Variants in ADGRV1 observed in about 807,000 individuals in gnomAD.
ADGRV1 encodes G-protein coupled receptor 98.
ADGRV1 carries 359 observed loss-of-function variants against 596.2 expected under a neutral mutation model. That is an observed-to-expected ratio of 0.60 (90% CI 0.55 to 0.66). The LOEUF (loss-of-function observed/expected upper bound fraction) is 0.66. ADGRV1 is among the 30% of genes least tolerant of loss of function. The pLI, the probability that ADGRV1 is intolerant of heterozygous loss-of-function variation, is 0.00. For missense variants in ADGRV1, 7,274 were observed against 7,575.6 expected (o/e 0.96, Z 1.48); for synonymous variants, 2,681 against 2,679.2 (o/e 1.00, Z -0.02).
intron 82 of ADGRV1, among the ~76,000 whole-genome samples, chr5:90,856,103 A>G (rs892180022): frequency 1.3e-5 from 2 of 152,178 alleles, no homozygotes; most frequent in African/African-American, 2.4e-5. Flanking sequence ...AGGATACAGT[A>G]AAGAATGAGA....
intron 87 of ADGRV1, among the ~76,000 whole-genome samples, chr5:91,113,595 C>A (rs1455938947): frequency 6.6e-6 from 1 of 152,076 alleles, no homozygotes; most frequent in Admixed American, 6.6e-5. Context: ...TGTATATATT[C>A]CTAATAAATC....
At chr5:90,928,281 G>T (rs1304362917) in intron 83 of ADGRV1, among the ~76,000 whole-genome samples, 2 of 152,128 alleles carry the variant, frequency 1.3e-5, no homozygotes, top group Non-Finnish European at 2.9e-5. Flanking sequence ...ATCAGACGTA[G>T]ATTTGGTCTT....
intron 82 of ADGRV1, among the ~76,000 whole-genome samples, chr5:90,859,029 G>C (rs1187217609): frequency 1.3e-5 from 2 of 152,208 alleles, no homozygotes; most frequent in Non-Finnish European, 1.5e-5. Flanking sequence ...AGAAGATCCA[G>C]ATAGAAATAC....
intron 59 of ADGRV1, among the ~76,000 whole-genome samples, chr5:90,773,061 C>T (rs373967473): frequency 4.0e-5 from 6 of 151,658 alleles, no homozygotes; most frequent in Admixed American, 6.6e-5. Flanking sequence ...CCTAGCTATT[C>T]GGGAGACTGA....
chr5:90,772,206 T>C (rs1446390984), intron 59 of ADGRV1, among the ~76,000 whole-genome samples: 1 of 152,182 alleles, frequency 6.6e-6, no homozygotes, highest in African/African-American at 2.4e-5. Flanking sequence ...CTAAGGTGTA[T>C]TTGCAACCTC....
chr5:91,118,277 G>A (rs1793022089), intron 87 of ADGRV1, among the ~76,000 whole-genome samples: 1 of 151,932 alleles, frequency 6.6e-6, no homozygotes, highest in Non-Finnish European at 1.5e-5. Flanking sequence ...GGGAAATACT[G>A]TTGAAAAGGC....
intron 87 of ADGRV1, among the ~76,000 whole-genome samples, chr5:91,116,329 T>C (rs574836051): frequency 1.3e-5 from 2 of 152,358 alleles, no homozygotes; most frequent in Admixed American, 6.5e-5. Flanking sequence ...AGTTTTGTGA[T>C]TGTAGGCAAA....
Position 90,683,990 on chromosome 5 carries a change from A to C in ADGRV1, c.6069A>C (p.Lys2023Asn). The stretch of plus-strand genomic sequence containing the variant: ...ATGCAACACTAGATGATATGGAAAA[A>C]CCACCTTATTTTCCACCTAATTTAG... ...VSYATLDDME[K>N]PPYFPPNLAR... The change falls in exon 28 of 90, where the codon AAA becomes AAC. Residue 2023 changes from lysine to asparagine, a missense_variant. Coordinates refer to ENST00000405460, the MANE Select transcript of ADGRV1 (RefSeq NM_032119.4). 1 of 1,613,840 alleles carries C rather than the reference A, an allele frequency of 6.2e-7. No individual in the cohort carries two copies. Among genetic ancestry groups the C allele is most frequent in the Non-Finnish European group, 8.5e-7 (1 of 1,179,856 alleles).
chr5:90,749,115 G>A (rs2149937149), intron 52 of ADGRV1, among the ~76,000 whole-genome samples: 2 of 152,288 alleles, frequency 1.3e-5, no homozygotes, highest in East Asian at 3.9e-4. Flanking sequence ...AACTGTTTGA[G>A]AATGGTAGAT....
intron 83 of ADGRV1, among the ~76,000 whole-genome samples, chr5:90,886,206 C>A (rs570390898): frequency 8.1e-4 from 123 of 152,192 alleles, no homozygotes; most frequent in Middle Eastern, 3.4e-3. Context: ...ACTAGTATTA[C>A]CTAATAGTCG....
intron 83 of ADGRV1, among the ~76,000 whole-genome samples, chr5:90,953,063 A>C (rs1407424938): frequency 2.0e-5 from 3 of 152,172 alleles, no homozygotes; most frequent in Non-Finnish European, 4.4e-5. Context: ...ACTGGTATTA[A>C]CAGAAATATT....
At chr5:90,725,448 TAA>T (rs894553394) in intron 47 of ADGRV1, 99 bp from the exon 48 acceptor site, 4 of 763,642 alleles carry the variant, frequency 5.2e-6, no homozygotes, top group Admixed American at 2.7e-5. Flanking sequence ...TAAAATTTTT[TAA>T]GTCTTGCACT....
chr5:90,960,087 C>A (rs1240710265), intron 83 of ADGRV1, among the ~76,000 whole-genome samples: 2 of 147,728 alleles, frequency 1.4e-5, no homozygotes, highest in Non-Finnish European at 3.0e-5. Context: ...TGCAGTGAGC[C>A]GAGATCGCGC....
chr5:90,864,924 CA>C (rs746729930), intron 83 of ADGRV1, among the ~76,000 whole-genome samples: 1 of 152,080 alleles, frequency 6.6e-6, no homozygotes, highest in African/African-American at 2.4e-5. Context: ...ATGATTTGCA[CA>C]GTTTTTTAGA....
chr5:90,706,403 C>CCT lies in ADGRV1; in HGVS notation c.8730+9_8730+10insCT, dbSNP rs1554089300. The CCT allele has an allele frequency of 7.3e-5, 101 of 1,374,956 alleles. 1 individual carries two copies. In the South Asian group the frequency reaches 1.3e-3, roughly 18 times the overall value. 85.2% of individuals were successfully genotyped at this position (1,374,956 alleles called of 1,614,324 possible). ...ACATTACCATTCTTGAGGTAAAACT[C>CCT]TTTTTTTTTTTTAATCTTAGGGGGA... On this transcript the variant is annotated intron_variant, in intron 38 of 89. Coordinates refer to ENST00000405460, the MANE Select transcript of ADGRV1 (RefSeq NM_032119.4).
At chr5:90,711,456 G>A in intron 41 of ADGRV1, 134 bp downstream of exon 41, 1 of 627,118 alleles carries the variant, frequency 1.6e-6, no homozygotes, top group Non-Finnish European at 2.5e-6. Context: ...CAGTAAATTA[G>A]GACAGAAGAT....
At chr5:91,067,605 G>A (rs373257052) in intron 85 of ADGRV1, among the ~76,000 whole-genome samples, 2 of 152,284 alleles carry the variant, frequency 1.3e-5, no homozygotes, top group South Asian at 2.1e-4. Context: ...ACCTTTCAAA[G>A]TCTGCTCTTA....
chr5:90,723,310 G>A (rs1422056475), intron 45 of ADGRV1, among the ~76,000 whole-genome samples: 2 of 152,072 alleles, frequency 1.3e-5, no homozygotes, highest in African/African-American at 4.8e-5. Flanking sequence ...GCATGTGTAG[G>A]TTGGATGGAA....
At chr5:90,982,532 AC>A (rs1342258493) in intron 84 of ADGRV1, among the ~76,000 whole-genome samples, 9 of 152,240 alleles carry the variant, frequency 5.9e-5, no homozygotes, top group Non-Finnish European at 1.0e-4. Context: ...ATGTAAACAA[AC>A]ATTGAAATTG....
Sources: gnomAD v4.1 joint callset for allele counts (sites outside exome capture counted in the v4.1 genomes callset) on GRCh38, gnomAD v4.1.1 for gene constraint, MANE v1.5 for transcripts, NCBI Gene and HGNC (gene_info 2026-07-23, HGNC 2026-07-21) for gene names.